Variants in TPRA1 observed in about 807,000 individuals in gnomAD.
TPRA1 encodes the protein transmembrane protein adipocyte-associated 1.
TPRA1 carries 28 observed loss-of-function variants against 40.1 expected under a neutral mutation model. That is an observed-to-expected ratio of 0.70 (90% CI 0.52 to 0.96). The LOEUF is 0.96. Among genes scored for constraint, TPRA1 ranks in the 40% least tolerant of loss-of-function variants. The pLI is 0.00. For synonymous variants in TPRA1, 219 were observed against 209.7 expected, an observed-to-expected ratio of 1.04 and a Z score of -0.38; for missense variants, 441 against 482.6, an observed-to-expected ratio of 0.91 and a Z score of 0.81.
At chr3:127,577,819 TGTGC>T (rs1311118837) in intron 3 of TPRA1, among the ~76,000 whole-genome samples, 1 of 152,188 alleles carries the variant, frequency 6.6e-6, no homozygotes, top group Non-Finnish European at 1.5e-5. Flanking sequence ...GCCAGTGGTG[TGTGC>T]CATTCCCCTG....
At chr3:127,585,004 G>T (rs2073957691) in intron 1 of TPRA1, among the ~76,000 whole-genome samples, 1 of 152,022 alleles carries the variant, frequency 6.6e-6, no homozygotes, top group African/African-American at 2.4e-5. Flanking sequence ...GAGAAAGAAG[G>T]TGTCTGGGTC....
chr3:127,579,629 A>T, intron 3 of TPRA1, 111 bp downstream of exon 3: 1 of 1,226,258 alleles, frequency 8.2e-7, no homozygotes, highest in Non-Finnish European at 1.1e-6. Context: ...ATATCATTTA[A>T]CTGCCTGGAT....
chr3:127,581,426 G>A (rs1051974805), intron 1 of TPRA1, among the ~76,000 whole-genome samples: 2 of 152,196 alleles, frequency 1.3e-5, no homozygotes, highest in African/African-American at 2.4e-5. Context: ...GCCGACAGGC[G>A]TATGATCCGT....
intron 1 of TPRA1, among the ~76,000 whole-genome samples, chr3:127,597,149 T>C (rs759176353): frequency 6.6e-6 from 1 of 151,750 alleles, no homozygotes; most frequent in Admixed American, 6.6e-5. Context: ...CTAAACATCT[T>C]GTATTTCCAG....
intron 10 of TPRA1, chr3:127,574,941 T>TGTGAATGCTTGTGCATCC: frequency 1.8e-6 from 1 of 563,994 alleles, no homozygotes; most frequent in Non-Finnish European, 3.2e-6. Flanking sequence ...CATGTGCATG[T>TGTGAATGCTTGTGCATCC]GTGCATGCTT....
At chr3:127,595,272 T>C (rs376883147), upstream of TPRA1, among the ~76,000 whole-genome samples, 9 of 152,258 alleles carry the variant, frequency 5.9e-5, no homozygotes, top group African/African-American at 2.2e-4. Flanking sequence ...TGTTTAAACA[T>C]GTCCAAGAAC....
rs1211398845 is a variant in TPRA1, at chr3:127,572,226, CCCCT to C, written c.*1291_*1294del. ...GCTTGTGCCCTCGGCACCCCATTCC[CCCCT>C]AAAAAAAAAAGGCTGATCGCGGAGG... is the stretch of plus-strand genomic sequence containing the variant. On this transcript the variant is annotated 3_prime_UTR_variant, in exon 11 of 11. Coordinates refer to ENST00000355552, the MANE Select transcript of TPRA1 (RefSeq NM_001136053.4). 3.9e-5 allele frequency among the ~76,000 whole-genome samples: 6 copies of C among 152,250 alleles called. No individual in the cohort carries two copies. In the South Asian group the frequency reaches 6.2e-4, roughly 16 times the overall value.
At chr3:127,597,307 C>T (rs1363159605) in intron 1 of TPRA1, among the ~76,000 whole-genome samples, 2 of 152,212 alleles carry the variant, frequency 1.3e-5, no homozygotes, top group African/African-American at 4.8e-5. Context: ...ACAGCAACCT[C>T]CTCGTTTGCT....
Position 127,573,173 on chromosome 3 carries a change from T to G in TPRA1, c.*348A>C. ...TGAGGAGGCCAAAGCACCATGGGGA[T>G]GGGATGGAGGCATTGGGAGAGCCAG... On this transcript the variant is annotated 3_prime_UTR_variant, in exon 11 of 11. Coordinates refer to ENST00000355552, the MANE Select transcript of TPRA1 (RefSeq NM_001136053.4). 6 of 226,120 alleles carry G rather than the reference T, an allele frequency of 2.7e-5. No homozygotes were observed. The highest frequency in any genetic ancestry group is 1.7e-5 in the Non-Finnish European group (2 of 114,776). 14.0% of individuals were successfully genotyped at this position (226,120 alleles called of 1,614,324 possible).
At chr3:127,584,339 G>C (rs1234337502) in intron 1 of TPRA1, among the ~76,000 whole-genome samples, 1 of 149,710 alleles carries the variant, frequency 6.7e-6, no homozygotes, top group Non-Finnish European at 1.5e-5. Context: ...TACTCGGTGG[G>C]GCCGAGGTGG....
upstream of TPRA1, among the ~76,000 whole-genome samples, chr3:127,594,404 GC>G (rs2107678545): frequency 6.6e-6 from 1 of 152,330 alleles, no homozygotes; most frequent in African/African-American, 2.4e-5. Flanking sequence ...CTTACAGCAA[GC>G]TCTGGTGGGA....
chr3:127,588,418 CT>C (rs34353913), intron 1 of TPRA1, among the ~76,000 whole-genome samples: 13,475 of 132,448 alleles, frequency 0.1, 457 homozygotes, highest in African/African-American at 0.13. Flanking sequence ...GAAGCACTGA[CT>C]TTTTTTTTTT....
At chr3:127,573,839 G>C (rs1559829382) in intron 10 of TPRA1, 51 bp from the exon 11 acceptor site, 5 of 1,516,672 alleles carry the variant, frequency 3.3e-6, no homozygotes, top group Middle Eastern at 1.8e-4. Context: ...GATTCAGGAA[G>C]AGCCTTCCTC....
At chr3:127,590,122 A>C (rs1287122865) in intron 1 of TPRA1, among the ~76,000 whole-genome samples, 2 of 152,098 alleles carry the variant, frequency 1.3e-5, no homozygotes, top group African/African-American at 4.8e-5. Flanking sequence ...CTCCACCCGC[A>C]CTGCCTCCAG....
At chr3:127,582,701 CAA>C (rs1404690468) in intron 1 of TPRA1, among the ~76,000 whole-genome samples, 19 of 76,146 alleles carry the variant, frequency 2.5e-4, no homozygotes, top group Non-Finnish European at 2.3e-4. Flanking sequence ...GACTCTGTCT[CAA>C]AAAAAAAAAA....
chr3:127,576,470 G>C lies in TPRA1; in HGVS notation c.498+147C>G. The C allele has an allele frequency of 1.3e-6, 1 of 799,602 alleles. No individual in the cohort carries two copies. Among genetic ancestry groups the C allele is most frequent in the Middle Eastern group, 3.8e-4 (1 of 2,622 alleles). 49.5% of individuals were successfully genotyped at this position (799,602 alleles called of 1,614,324 possible). A position where few individuals can be genotyped will look rare whatever the true frequency, so the allele number is the denominator to read the frequency against. On this transcript the variant is annotated intron_variant, in intron 6 of 10. Coordinates refer to ENST00000355552, the MANE Select transcript of TPRA1 (RefSeq NM_001136053.4). This position sits in a 1 kb window ranked among gnomAD's most constrained non-coding sequence, Gnocchi z 4.6. ...TCCAGGGGACCCCAGAATGTGCCTC[G>C]GTAACAAGCACCCCATGTGATTTCT...
chr3:127,583,161 A>C (rs894053902), intron 1 of TPRA1, among the ~76,000 whole-genome samples: 1 of 151,628 alleles, frequency 6.6e-6, no homozygotes, highest in Non-Finnish European at 1.5e-5. Flanking sequence ...AAAAAAAAAA[A>C]AATTAGCCAG....
At position 127,573,421 on chromosome 3, in the gene TPRA1, T is replaced by C. The variant is rs2073438843; in HGVS notation, c.*100A>G. 10 of 1,438,946 alleles carry C rather than the reference T, an allele frequency of 6.9e-6. No individual in the cohort carries two copies. The highest frequency in any genetic ancestry group is 1.4e-5 in the African/African-American group (1 of 70,796). 89.1% of individuals were successfully genotyped at this position (1,438,946 alleles called of 1,614,324 possible). ...TGGGAACAGGGCCACACAGGGCTAC[T>C]GCCCACAGAACGTCCCTTGACCTGG... is the stretch of plus-strand genomic sequence containing the variant. On this transcript the variant is annotated 3_prime_UTR_variant, in exon 11 of 11. Transcript: ENST00000355552.
intron 3 of TPRA1, 126 bp from the exon 4 acceptor site, chr3:127,577,202 A>C: frequency 1.1e-6 from 1 of 933,378 alleles, no homozygotes; most frequent in Non-Finnish European, 1.7e-6. Flanking sequence ...GAAGGCGCAA[A>C]GTCAGGGTGG....
Sources: gnomAD v4.1 joint callset for allele counts (sites outside exome capture counted in the v4.1 genomes callset) on GRCh38, gnomAD v4.1.1 for gene constraint, Gnocchi (gnomAD v3.1) non-coding constraint, MANE v1.5 for transcripts, NCBI Gene and HGNC (gene_info 2026-07-23, HGNC 2026-07-21) for gene names.